Variants in ANO4 observed in about 807,000 individuals in gnomAD.
The protein encoded by ANO4 is anoctamin-4.
A neutral mutation model predicts 141.9 loss-of-function variants in ANO4; 69 were observed. The ratio of observed to expected loss-of-function variants is 0.49; its 90% confidence interval spans 0.40 to 0.59. The LOEUF is 0.59. Ranked by LOEUF, ANO4 falls within the 20% of genes least tolerant of loss-of-function variation. The pLI is 0.00. For missense variants in ANO4, 894 were observed against 1,162.2 expected (o/e 0.77, Z 3.36); for synonymous variants, 350 against 394.3 (o/e 0.89, Z 1.33).
intron 2 of ANO4, among the ~76,000 whole-genome samples, chr12:100,905,467 G>A (rs747832680): frequency 3.3e-4 from 50 of 152,272 alleles, no homozygotes; most frequent in Middle Eastern, 3.4e-3. Context: ...GAGAAGAATG[G>A]TTTTCTAGGC....
chr12:100,752,580 C>T (rs1161001269), intron 3 of ANO4, among the ~76,000 whole-genome samples: 2 of 151,946 alleles, frequency 1.3e-5, no homozygotes, highest in African/African-American at 4.8e-5. Flanking sequence ...CTTTGGAAAC[C>T]TTATAGGGGT....
At chr12:101,066,769 G>A (rs1349544521) in intron 14 of ANO4, 6 of 993,236 alleles carry the variant, frequency 6.0e-6, no homozygotes, top group African/African-American at 4.8e-5. Flanking sequence ...AGCAGCAGGA[G>A]GAGGACCACA....
intron 14 of ANO4, among the ~76,000 whole-genome samples, chr12:101,052,755 G>A (rs1401893354): frequency 6.6e-6 from 1 of 152,148 alleles, no homozygotes; most frequent in African/African-American, 2.4e-5. Context: ...AATGGTAATT[G>A]TATGTTGAAA....
intron 1 of ANO4, among the ~76,000 whole-genome samples, chr12:100,881,171 T>C (rs904371604): frequency 6.6e-6 from 1 of 151,802 alleles, no homozygotes; most frequent in Non-Finnish European, 1.5e-5. Context: ...CATTAGGAGA[T>C]ATACCTAATG....
At chr12:101,013,452 A>G (rs1343363961) in intron 8 of ANO4, among the ~76,000 whole-genome samples, 2 of 152,124 alleles carry the variant, frequency 1.3e-5, no homozygotes, top group Non-Finnish European at 2.9e-5. Flanking sequence ...TCTTCTGGCA[A>G]CCTACACATA....
chr12:101,096,798 C>T (rs1206369794), intron 19 of ANO4, 151 bp downstream of exon 19: 5 of 622,588 alleles, frequency 8.0e-6, no homozygotes, highest in Non-Finnish European at 1.4e-5. Flanking sequence ...TCCCAAATCT[C>T]AAAACCACCT....
chr12:101,016,424 T>C (rs1295643289), intron 8 of ANO4, among the ~76,000 whole-genome samples: 1 of 152,098 alleles, frequency 6.6e-6, no homozygotes, highest in African/African-American at 2.4e-5. Flanking sequence ...CTCATTACCA[T>C]GGGCGTAACA....
At chr12:100,959,161 T>C (rs1054539134) in intron 5 of ANO4, among the ~76,000 whole-genome samples, 2 of 152,042 alleles carry the variant, frequency 1.3e-5, no homozygotes, top group South Asian at 4.2e-4. Flanking sequence ...TATACTCTGA[T>C]AGAAAATGAA....
intron 1 of ANO4, among the ~76,000 whole-genome samples, chr12:100,846,506 TGG>T (rs2037566136): frequency 6.6e-6 from 1 of 152,146 alleles, no homozygotes; most frequent in Non-Finnish European, 1.5e-5. Context: ...TTATGTAATT[TGG>T]GACTAAAGCA....
intron 9 of ANO4, among the ~76,000 whole-genome samples, chr12:101,025,215 A>G (rs1468498345): frequency 6.6e-6 from 1 of 152,272 alleles, no homozygotes; most frequent in Admixed American, 6.5e-5. Flanking sequence ...TATTTTCAAG[A>G]CACTGAATAT....
chr12:101,007,315 C>G lies in ANO4; in HGVS notation c.735-12719C>G, dbSNP rs141597472. ...CAGTGAGCGGAGATTGCACCACGGCCCTCCAGCCTGGGGGAGAGAGTAAGA... is the reference window on the plus strand; with the variant it reads ...CAGTGAGCGGAGATTGCACCACGGCGCTCCAGCCTGGGGGAGAGAGTAAGA... On this transcript the variant is annotated intron_variant, in intron 8 of 27. Transcript: ENST00000392977. 4.8e-3 allele frequency among the ~76,000 whole-genome samples: 732 copies of G among 152,196 alleles called. 10 individuals carry two copies. Among genetic ancestry groups the G allele is most frequent in the African/African-American group, 0.016 (676 of 41,512 alleles).
At chr12:100,871,609 G>T (rs2039038544) in intron 1 of ANO4, among the ~76,000 whole-genome samples, 1 of 152,138 alleles carries the variant, frequency 6.6e-6, no homozygotes, top group African/African-American at 2.4e-5. Flanking sequence ...ACTCTGATTG[G>T]GTGGCTTACA....
chr12:101,090,113 G>A (rs765385943), intron 17 of ANO4, among the ~76,000 whole-genome samples: 8 of 152,226 alleles, frequency 5.3e-5, no homozygotes, highest in Non-Finnish European at 1.2e-4. Flanking sequence ...TGCTGGAGAG[G>A]AGGTGGAGAA....
chr12:101,031,104 T>C (rs564923623), intron 9 of ANO4, among the ~76,000 whole-genome samples: 2 of 152,264 alleles, frequency 1.3e-5, no homozygotes, highest in South Asian at 4.1e-4. Flanking sequence ...ATCATCCTGA[T>C]ACCAAAACCT....
chr12:100,968,837 C>T (rs2043795299), intron 5 of ANO4, among the ~76,000 whole-genome samples: 1 of 152,078 alleles, frequency 6.6e-6, no homozygotes, highest in South Asian at 2.1e-4. Context: ...GCAGGACTGA[C>T]TGTGTGTGTG....
chr12:100,768,298 G>A (rs1346083805), intron 3 of ANO4, among the ~76,000 whole-genome samples: 1 of 152,202 alleles, frequency 6.6e-6, no homozygotes, highest in Non-Finnish European at 1.5e-5. Flanking sequence ...CTGGGCTTGG[G>A]AGAAGGATGA....
At chr12:100,845,503 C>T (rs1427611681) in intron 1 of ANO4, among the ~76,000 whole-genome samples, 1 of 152,140 alleles carries the variant, frequency 6.6e-6, no homozygotes, top group Non-Finnish European at 1.5e-5. Context: ...TGAAACTTGC[C>T]TGTCCTTGTA....
intron 26 of ANO4, among the ~76,000 whole-genome samples, chr12:101,125,670 T>A (rs963553307): frequency 6.6e-6 from 1 of 152,232 alleles, no homozygotes. Flanking sequence ...GCTTATGTGA[T>A]GAATTACTTA....
chr12:100,921,811 T>C (rs1303100384), intron 2 of ANO4, among the ~76,000 whole-genome samples: 1 of 152,126 alleles, frequency 6.6e-6, no homozygotes, highest in Non-Finnish European at 1.5e-5. Flanking sequence ...ATTAAATCCA[T>C]CCTTAAGAAT....
Sources: allele counts gnomAD v4.1 joint callset (sites outside exome capture counted in the v4.1 genomes callset), GRCh38; gene constraint gnomAD v4.1.1; transcripts MANE v1.5; gene names NCBI Gene and HGNC (gene_info 2026-07-23, HGNC 2026-07-21).